The following SORCS1 variants were observed in gnomAD, a reference collection of about 807,000 sequenced individuals.
SORCS1 encodes VPS10 domain-containing receptor SorCS1.
Under a neutral mutation model 146.1 loss-of-function variants are expected in SORCS1, and 60 were observed. That is an observed-to-expected ratio of 0.41 (90% confidence interval 0.33 to 0.51). The LOEUF (loss-of-function observed/expected upper bound fraction) is 0.51, where lower values mean the gene tolerates loss of function less well. SORCS1 is among the 20% of genes least tolerant of loss of function. The pLI, the probability that SORCS1 is intolerant of heterozygous loss-of-function variation, is 0.21. For missense variants in SORCS1, 1,352 were observed against 1,487.6 expected (o/e 0.91, Z 1.50); for synonymous variants, 637 against 584.0 (o/e 1.09, Z -1.31).
intron 6 of SORCS1, among the ~76,000 whole-genome samples, chr10:106,722,152 T>C (rs944159284): frequency 1.2e-3 from 80 of 68,700 alleles, no homozygotes; most frequent in African/African-American, 3.3e-3. Context: ...CACACACATA[T>C]ATATATAACA....
chr10:106,918,916 A>G (rs1952573122), intron 2 of SORCS1, among the ~76,000 whole-genome samples: 1 of 151,954 alleles, frequency 6.6e-6, no homozygotes, highest in African/African-American at 2.4e-5. Flanking sequence ...GGCTCACTGC[A>G]GTCTTGACCT....
chr10:106,900,896 G>C (rs959513193), intron 2 of SORCS1, among the ~76,000 whole-genome samples: 3 of 152,190 alleles, frequency 2.0e-5, no homozygotes, highest in Non-Finnish European at 2.9e-5. Flanking sequence ...GGTAAATTTA[G>C]AGCATGTCAT....
intron 2 of SORCS1, among the ~76,000 whole-genome samples, chr10:106,919,315 G>A (rs1310691905): frequency 3.3e-5 from 5 of 152,088 alleles, no homozygotes; most frequent in Admixed American, 6.5e-5. Flanking sequence ...AAACCATATG[G>A]GGTTTTTCCC....
chr10:106,807,314 T>C (rs1228504167), intron 3 of SORCS1, among the ~76,000 whole-genome samples: 2 of 152,186 alleles, frequency 1.3e-5, no homozygotes, highest in East Asian at 1.9e-4. Flanking sequence ...CAGCACTGAA[T>C]GGTAAACTGT....
At chr10:107,102,354 A>G (rs758813793) in intron 1 of SORCS1, among the ~76,000 whole-genome samples, 3 of 152,158 alleles carry the variant, frequency 2.0e-5, no homozygotes, top group Non-Finnish European at 2.9e-5. Flanking sequence ...GCTGGATTTG[A>G]GACGACCTCT....
chr10:106,873,828 G>A (rs1038478916), intron 2 of SORCS1, among the ~76,000 whole-genome samples: 3 of 151,988 alleles, frequency 2.0e-5, no homozygotes, highest in East Asian at 1.9e-4. Flanking sequence ...GTGTTTATAC[G>A]CCTACCTTAC....
chr10:107,104,078 CCGG>C (rs1565047759), intron 1 of SORCS1, among the ~76,000 whole-genome samples: 1 of 152,170 alleles, frequency 6.6e-6, no homozygotes, highest in East Asian at 1.9e-4. Flanking sequence ...GAATGTACTG[CCGG>C]TGCAACTGAC....
intron 1 of SORCS1, among the ~76,000 whole-genome samples, chr10:107,066,523 CT>C (rs1961871852): frequency 6.6e-6 from 1 of 152,062 alleles, no homozygotes. Context: ...CTACAAGGCT[CT>C]ACAAACGAGT....
At chr10:106,951,336 C>T (rs1451163637) in intron 2 of SORCS1, among the ~76,000 whole-genome samples, 1 of 151,862 alleles carries the variant, frequency 6.6e-6, no homozygotes, top group Non-Finnish European at 1.5e-5. Flanking sequence ...ATGGTGAAAC[C>T]CCGTCTCTAC....
intron 2 of SORCS1, among the ~76,000 whole-genome samples, chr10:106,856,028 A>G (rs1005003650): frequency 8.5e-5 from 12 of 140,994 alleles, no homozygotes; most frequent in African/African-American, 2.9e-4. Context: ...GAGACACAAC[A>G]TTTTTTTTTT....
Position 106,575,213 on chromosome 10 carries a change from A to C in SORCS1, c.*2207T>G, listed in dbSNP as rs1381786962. On this transcript the variant is annotated 3_prime_UTR_variant, in exon 26 of 26. Coordinates refer to ENST00000263054, the MANE Select transcript of SORCS1 (RefSeq NM_052918.5). The stretch of plus-strand genomic sequence containing the variant: ...AGATAGGAAGCCTGGCAGGTTGGGG[A>C]TCAATTGAGTTCTACAAATAGGTGA... 7 of 152,566 alleles carry C rather than the reference A, an allele frequency of 4.6e-5. No individual in the cohort carries two copies. The highest frequency in any genetic ancestry group is 1.0e-4 in the Non-Finnish European group (7 of 68,030). 9.5% of individuals were successfully genotyped at this position (152,566 alleles called of 1,614,324 possible).
At chr10:106,622,870 A>T (rs1847843250) in intron 19 of SORCS1, among the ~76,000 whole-genome samples, 2 of 152,190 alleles carry the variant, frequency 1.3e-5, no homozygotes, top group Non-Finnish European at 2.9e-5. Flanking sequence ...GAAGTGTTTG[A>T]AAGAACCTTT....
intron 1 of SORCS1, among the ~76,000 whole-genome samples, chr10:106,970,686 C>T (rs1398434105): frequency 6.6e-6 from 1 of 151,932 alleles, no homozygotes; most frequent in Non-Finnish European, 1.5e-5. Context: ...CTCACCTCAA[C>T]CTGATCTGGG....
chr10:106,709,640 G>A (rs935887844), intron 6 of SORCS1, among the ~76,000 whole-genome samples: 1 of 151,786 alleles, frequency 6.6e-6, no homozygotes, highest in South Asian at 2.1e-4. Flanking sequence ...AGTAGAGACG[G>A]GGTTTCACCG....
chr10:106,759,471 C>A (rs549861458), intron 5 of SORCS1, among the ~76,000 whole-genome samples: 1 of 152,130 alleles, frequency 6.6e-6, no homozygotes, highest in Non-Finnish European at 1.5e-5. Flanking sequence ...GGTAGAATCA[C>A]GTCTTTTGGC....
At chr10:106,749,782 T>C (rs1858012443) in intron 5 of SORCS1, among the ~76,000 whole-genome samples, 1 of 152,202 alleles carries the variant, frequency 6.6e-6, no homozygotes, top group African/African-American at 2.4e-5. Context: ...CATTTACTCA[T>C]CACATATGTA....
At chr10:106,591,683 G>T (rs993282321) in intron 24 of SORCS1, among the ~76,000 whole-genome samples, 2 of 152,162 alleles carry the variant, frequency 1.3e-5, no homozygotes, top group African/African-American at 2.4e-5. Flanking sequence ...ATATCCAAAA[G>T]AAATTAAATA....
chr10:106,626,743 C>A (rs902854533), intron 19 of SORCS1, among the ~76,000 whole-genome samples: 1 of 152,158 alleles, frequency 6.6e-6, no homozygotes, highest in Non-Finnish European at 1.5e-5. Flanking sequence ...GAGGGAGGCA[C>A]TAACCAAACA....
intron 6 of SORCS1, among the ~76,000 whole-genome samples, chr10:106,728,952 C>G (rs1211703833): frequency 6.6e-6 from 1 of 152,120 alleles, no homozygotes; most frequent in Non-Finnish European, 1.5e-5. Flanking sequence ...TCTCCCCTCA[C>G]CCTCTTCTAT....
Sources: allele counts gnomAD v4.1 joint callset (sites outside exome capture counted in the v4.1 genomes callset), GRCh38; gene constraint gnomAD v4.1.1; transcripts MANE v1.5; gene names NCBI Gene and HGNC (gene_info 2026-07-23, HGNC 2026-07-21).